Variants in CELF2 observed in about 807,000 individuals in gnomAD.
The protein encoded by CELF2 is CUGBP Elav-like family member 2.
CELF2 carries 8 observed loss-of-function variants against 62.6 expected under a neutral mutation model. The ratio of observed to expected loss-of-function variants is 0.13; its 90% CI spans 0.07 to 0.23. The LOEUF is 0.23. CELF2 is among the 10% of genes least tolerant of loss of function. The pLI, the probability that CELF2 is intolerant of heterozygous loss-of-function variation, is 1.00. For synonymous variants in CELF2, 258 were observed against 250.0 expected (o/e 1.03, Z -0.30); for missense variants, 333 against 671.0 (o/e 0.50, Z 5.56).
At chr10:10,661,973 G>A in the CELF2 span, among the ~76,000 whole-genome samples, 1 of 152,088 alleles carries the variant, frequency 6.6e-6, no homozygotes, top group African/African-American at 2.4e-5. Context: ...CCAGGGCTAT[G>A]GGGTTTGCAA....
chr10:10,833,031 G>GTGTGTGTT (rs1205609290), intron 1 of CELF2, among the ~76,000 whole-genome samples: 1 of 151,660 alleles, frequency 6.6e-6, no homozygotes, highest in Non-Finnish European at 1.5e-5. Context: ...GTGTGTGTGT[G>GTGTGTGTT]TGTGTGTGTG....
chr10:10,788,451 A>ATTTTTTTTTTTTTTTTTTTTT, the CELF2 span, among the ~76,000 whole-genome samples: 1 of 126,354 alleles, frequency 7.9e-6, no homozygotes, highest in Non-Finnish European at 1.7e-5. Context: ...ATTTCTTTCC[A>ATTTTTTTTTTTTTTTTTTTTT]TCTTTTTTTT....
Position 11,300,251 on chromosome 10 carries a change from A to G in CELF2, c.976+11699A>G, listed in dbSNP as rs2093592458. On this transcript the variant is annotated intron_variant, in intron 9 of 12. Coordinates refer to ENST00000633077, the MANE Select transcript of CELF2 (RefSeq NM_001326342.2). This position sits in a 1 kb window ranked among gnomAD's most constrained non-coding sequence, Gnocchi z 5.5. ...GGCCCCTCACTTCCCCGCCTTCCAC[A>G]TGTGTGCCACCGTACAATAAAGCCT... 6.6e-6 allele frequency among the ~76,000 whole-genome samples: 1 copy of G among 152,162 alleles called. No individual in the cohort carries two copies. Among genetic ancestry groups the G allele is most frequent in the Non-Finnish European group, 1.5e-5 (1 of 68,018 alleles).
chr10:11,041,531 G>A (rs1293468787), intron 1 of CELF2, among the ~76,000 whole-genome samples: 1 of 152,170 alleles, frequency 6.6e-6, no homozygotes, highest in Non-Finnish European at 1.5e-5. Flanking sequence ...TTGTAATGAG[G>A]ATGAAAAAAT....
the CELF2 span, among the ~76,000 whole-genome samples, chr10:10,578,502 A>G: frequency 6.3e-3 from 966 of 152,216 alleles, 10 homozygotes; most frequent in African/African-American, 0.022. Context: ...TAGGTCTAAC[A>G]TGTAAGTCTT....
the CELF2 span, among the ~76,000 whole-genome samples, chr10:10,730,489 TA>T: frequency 2.5e-4 from 38 of 150,386 alleles, no homozygotes; most frequent in African/African-American, 7.6e-4. Context: ...AAATAAAAAA[TA>T]AAAAAAAAGT....
At chr10:11,168,503 A>T (rs688830) in intron 2 of CELF2, among the ~76,000 whole-genome samples, 1 of 152,034 alleles carries the variant, frequency 6.6e-6, no homozygotes. Flanking sequence ...GCCTGTTTAC[A>T]TGTAAAATAA....
chr10:10,947,769 C>T lies in CELF2; in HGVS notation c.89+27770C>T, dbSNP rs139985428. Among the ~76,000 whole-genome samples, 3 of 152,160 alleles carry T rather than the reference C, an allele frequency of 2.0e-5. No homozygotes were observed. Among genetic ancestry groups the T allele is most frequent in the African/African-American group, 7.2e-5 (3 of 41,442 alleles). The stretch of plus-strand genomic sequence containing the variant: ...AAGACACATACACACATCTTCACCA[C>T]AGAAGAAAAATATGGCATTTGAGGA... On this transcript the variant is annotated intron_variant, in intron 2 of 13. Coordinates refer to the CELF2 transcript ENST00000636488. The surrounding 1 kb of genome is among the most constrained non-coding windows in gnomAD (Gnocchi z 4.1).
At chr10:11,106,219 A>G (rs1321869986) in intron 1 of CELF2, among the ~76,000 whole-genome samples, 1 of 147,852 alleles carries the variant, frequency 6.8e-6, no homozygotes, top group Non-Finnish European at 1.5e-5. Flanking sequence ...TTATTTATTT[A>G]TTTATTTATT....
chr10:10,574,150 G>A, the CELF2 span, among the ~76,000 whole-genome samples: 1 of 152,156 alleles, frequency 6.6e-6, no homozygotes, highest in Admixed American at 6.6e-5. Context: ...ATAAAGGAGG[G>A]TTATATGGGA....
chr10:11,100,831 G>A (rs1374990662), intron 1 of CELF2, among the ~76,000 whole-genome samples: 1 of 152,192 alleles, frequency 6.6e-6, no homozygotes, highest in Non-Finnish European at 1.5e-5. Flanking sequence ...TGTTGTCAAG[G>A]GAGGTCTCCC....
chr10:10,509,646 CT>C, the CELF2 span, among the ~76,000 whole-genome samples: 1 of 152,220 alleles, frequency 6.6e-6, no homozygotes, highest in African/African-American at 2.4e-5. Context: ...AAATCCCAGC[CT>C]GCCCCAGGAA....
chr10:11,262,684 G>A (rs1315245726), intron 5 of CELF2, among the ~76,000 whole-genome samples: 1 of 152,120 alleles, frequency 6.6e-6, no homozygotes, highest in African/African-American at 2.4e-5. Flanking sequence ...TAATTCTTAT[G>A]CCCCAATATT....
chr10:11,154,162 T>C (rs1442175841), intron 1 of CELF2, among the ~76,000 whole-genome samples: 4 of 152,254 alleles, frequency 2.6e-5, no homozygotes, highest in Non-Finnish European at 5.9e-5. Flanking sequence ...CATTATAATT[T>C]AGCACATAAT....
At chr10:11,232,408 G>A (rs535761153) in intron 3 of CELF2, among the ~76,000 whole-genome samples, 4 of 152,048 alleles carry the variant, frequency 2.6e-5, no homozygotes, top group African/African-American at 7.2e-5. Context: ...CAGATGACTC[G>A]AGTCTCCTTC....
At chr10:11,042,889 A>G (rs2062094802) in intron 1 of CELF2, among the ~76,000 whole-genome samples, 2 of 152,150 alleles carry the variant, frequency 1.3e-5, no homozygotes, top group African/African-American at 4.8e-5. Flanking sequence ...TTATGGCCCA[A>G]TATTTCATTA....
At chr10:10,475,657 C>T in the CELF2 span, among the ~76,000 whole-genome samples, 7 of 151,968 alleles carry the variant, frequency 4.6e-5, no homozygotes, top group Non-Finnish European at 8.8e-5. Context: ...TATTTTCCCC[C>T]AATTGTGCTC....
rs573271462 is a variant in CELF2, at chr10:11,280,313, A to C, written c.841+5193A>C. On this transcript the variant is annotated intron_variant, in intron 8 of 12. Transcript: ENST00000633077. This position sits in a 1 kb window ranked among gnomAD's most constrained non-coding sequence, Gnocchi z 7.6. ...ATCCAGGAGCAGGCCTGCGCCTGAC[A>C]CCTGTGCCCGAGAAGCCTAGTCCGG... Among the ~76,000 whole-genome samples, 3 of 152,232 alleles carry C rather than the reference A, an allele frequency of 2.0e-5. No individual in the cohort carries two copies. Among genetic ancestry groups the C allele is most frequent in the African/African-American group, 7.2e-5 (3 of 41,546 alleles).
chr10:11,303,738 A>G (rs2093973475), intron 9 of CELF2, among the ~76,000 whole-genome samples: 1 of 152,230 alleles, frequency 6.6e-6, no homozygotes, highest in African/African-American at 2.4e-5. Flanking sequence ...TGCTTCCATA[A>G]GTAAATCTCT....
Sources: allele counts gnomAD v4.1 joint callset (sites outside exome capture counted in the v4.1 genomes callset), GRCh38; gene constraint gnomAD v4.1.1; non-coding constraint Gnocchi (gnomAD v3.1); transcripts MANE v1.5; gene names NCBI Gene and HGNC (gene_info 2026-07-23, HGNC 2026-07-21).